The following CLPB variants were observed in gnomAD, a reference collection of about 807,000 sequenced individuals.
The protein encoded by CLPB is ClpB family mitochondrial disaggregase, also known as mitochondrial disaggregase.
CLPB carries 40 observed loss-of-function variants against 78.4 expected under a neutral mutation model. That is an observed-to-expected ratio of 0.51 (90% CI 0.40 to 0.66). CLPB has a LOEUF of 0.66. Ranked by LOEUF, CLPB falls within the 30% of genes least tolerant of loss-of-function variation. CLPB has a pLI of 0.00. For missense variants in CLPB, 780 were observed against 886.9 expected (o/e 0.88, Z 1.53); for synonymous variants, 333 against 348.0 (o/e 0.96, Z 0.48).
intron 3 of CLPB, among the ~76,000 whole-genome samples, chr11:72,398,682 A>G (rs992377545): frequency 3.9e-5 from 6 of 152,264 alleles, no homozygotes; most frequent in African/African-American, 1.2e-4. Flanking sequence ...GGACTGGGTC[A>G]GAGTGCAATA....
At chr11:72,318,122 A>T (rs949719486) in intron 6 of CLPB, among the ~76,000 whole-genome samples, 1 of 152,256 alleles carries the variant, frequency 6.6e-6, no homozygotes, top group Non-Finnish European at 1.5e-5. Flanking sequence ...TGTCCTCTAA[A>T]TCAATTATGA....
intron 2 of CLPB, among the ~76,000 whole-genome samples, chr11:72,416,209 C>G (rs926757753): frequency 1.3e-5 from 2 of 152,214 alleles, no homozygotes; most frequent in African/African-American, 2.4e-5. Context: ...ACTTACATTA[C>G]TCCAACTGCC....
chr11:72,302,569 T>C (rs1009251582), intron 9 of CLPB: 1 of 534,496 alleles, frequency 1.9e-6, no homozygotes. Context: ...ACCCAAATCA[T>C]GTACCTGACC....
chr11:72,306,183 G>A (rs1949743355), intron 9 of CLPB, among the ~76,000 whole-genome samples: 1 of 152,238 alleles, frequency 6.6e-6, no homozygotes, highest in African/African-American at 2.4e-5. Context: ...GCTAGGGGGA[G>A]TTTAAGAGCC....
rs192174918 is a variant in CLPB at position 72,293,187 on chromosome 11, C to T, written c.*180G>A. ...CCACAACAAAGGGGCCAGAGTAGGG[C>T]GAAATTCCTCCTTCAGGTTTTGGGG... On this transcript the variant is annotated 3_prime_UTR_variant, in exon 16 of 16. Coordinates refer to ENST00000538039, the MANE Select transcript of CLPB (RefSeq NM_001258392.3). The T allele has an allele frequency of 1.9e-3, 1,389 of 735,134 alleles. 4 individuals carry two copies. Among genetic ancestry groups the T allele is most frequent in the Non-Finnish European group, 2.4e-3 (1,117 of 459,018 alleles). 45.5% of individuals were successfully genotyped at this position (735,134 alleles called of 1,614,324 possible).
At chr11:72,423,032 C>T (rs1170887073) in intron 2 of CLPB, among the ~76,000 whole-genome samples, 2 of 152,050 alleles carry the variant, frequency 1.3e-5, no homozygotes, top group African/African-American at 4.8e-5. Flanking sequence ...AACTGTAAAC[C>T]AAATCAGATT....
chr11:72,407,534 C>G (rs1855744451), intron 2 of CLPB, among the ~76,000 whole-genome samples: 1 of 152,142 alleles, frequency 6.6e-6, no homozygotes, highest in Non-Finnish European at 1.5e-5. Context: ...TTCTCTAAAC[C>G]TGCTATCATA....
At chr11:72,308,237 G>A (rs535268428) in intron 8 of CLPB, among the ~76,000 whole-genome samples, 1 of 152,366 alleles carries the variant, frequency 6.6e-6, no homozygotes, top group East Asian at 1.9e-4. Flanking sequence ...CGCATGCAGA[G>A]TGGCTGGACC....
At chr11:72,304,326 A>G (rs1565425941) in intron 9 of CLPB, 1 of 152,242 alleles carries the variant, frequency 6.6e-6, no homozygotes, top group Non-Finnish European at 1.5e-5. Flanking sequence ...GACTGGCACC[A>G]TTATGGAGCC....
chr11:72,322,763 T>C (rs560077057), intron 6 of CLPB, among the ~76,000 whole-genome samples: 2 of 152,320 alleles, frequency 1.3e-5, no homozygotes, highest in Non-Finnish European at 2.9e-5. Context: ...CTATTTTTTT[T>C]CCCTTTGTAA....
intron 4 of CLPB, among the ~76,000 whole-genome samples, chr11:72,374,193 C>A (rs1951098227): frequency 6.6e-6 from 1 of 152,092 alleles, no homozygotes; most frequent in Non-Finnish European, 1.5e-5. Flanking sequence ...TACACTTTGC[C>A]AAAACCCACC....
chr11:72,390,912 T>G (rs538875245), intron 3 of CLPB, among the ~76,000 whole-genome samples: 1 of 152,218 alleles, frequency 6.6e-6, no homozygotes, highest in South Asian at 2.1e-4. Flanking sequence ...GGCCATCAAG[T>G]GTCCACCACT....
intron 4 of CLPB, among the ~76,000 whole-genome samples, chr11:72,376,477 C>T (rs1167756741): frequency 6.6e-6 from 1 of 150,530 alleles, no homozygotes; most frequent in Non-Finnish European, 1.5e-5. Context: ...AGTTGGACAG[C>T]AGAGCACATC....
At chr11:72,321,358 C>T (rs538890654) in intron 6 of CLPB, among the ~76,000 whole-genome samples, 84 of 152,316 alleles carry the variant, frequency 5.5e-4, no homozygotes, top group Non-Finnish European at 1.0e-3. Context: ...ATAAAAGCCA[C>T]ACACAATTAG....
intron 6 of CLPB, among the ~76,000 whole-genome samples, chr11:72,323,459 C>G (rs549502981): frequency 4.0e-4 from 60 of 151,602 alleles, no homozygotes; most frequent in Middle Eastern, 3.4e-3. Flanking sequence ...TCCAGCTACT[C>G]TGGAGGCTGA....
At chr11:72,299,849 T>G (rs1949622917) in intron 11 of CLPB, among the ~76,000 whole-genome samples, 1 of 152,140 alleles carries the variant, frequency 6.6e-6, no homozygotes, top group Admixed American at 6.5e-5. Flanking sequence ...GGAATTCCTA[T>G]CAACCCCTAA....
At chr11:72,387,124 T>C (rs1425615834) in intron 3 of CLPB, among the ~76,000 whole-genome samples, 1 of 152,170 alleles carries the variant, frequency 6.6e-6, no homozygotes, top group Non-Finnish European at 1.5e-5. Flanking sequence ...TAATTATATA[T>C]AATTATAACC....
Position 72,317,161 on chromosome 11 carries a change from C to G in CLPB, c.933G>C (p.Gln311His). ...AEERRRFPLEQRLKEHIIGQE... is the reference protein window; with the variant it reads ...AEERRRFPLEHRLKEHIIGQE... ...GGCCAATGATGTGCTCCTTTAGTCGCTGCTCCAGGGGGAAGCGGCGCCGCT... is the reference window on the plus strand; with the variant it reads ...GGCCAATGATGTGCTCCTTTAGTCGGTGCTCCAGGGGGAAGCGGCGCCGCT... Residue 311 changes from glutamine (Q) to histidine (H), a missense_variant, in exon 7 of 16, where the codon CAG becomes CAC. This residue lies in a region of CLPB where 417 missense variants were observed against 414.7 expected (regional missense o/e 1.01). Transcript: ENST00000538039. 1 of 1,612,618 alleles carries G rather than the reference C, an allele frequency of 6.2e-7. No individual in the cohort carries two copies.
rs769221555 is a variant in CLPB, at chr11:72,402,948, T to A, written c.542+18A>T. 1 of 1,609,950 alleles carries A rather than the reference T, an allele frequency of 6.2e-7. No individual in the cohort carries two copies. Among genetic ancestry groups the A allele is most frequent in the East Asian group, 2.2e-5 (1 of 44,866 alleles). ...GAGATCTGCCTAAAGGAGCCCTGTG[T>A]GGAAGGTGGTCTCTCACCTGTTGTT... On this transcript the variant is annotated intron_variant, in intron 3 of 15. Transcript: ENST00000538039.
Sources: allele counts gnomAD v4.1 joint callset (sites outside exome capture counted in the v4.1 genomes callset), GRCh38; gene constraint gnomAD v4.1.1; regional missense constraint gnomAD v4.1.1; transcripts MANE v1.5; gene names NCBI Gene and HGNC (gene_info 2026-07-23, HGNC 2026-07-21).